The following RBMS3 variants were observed in gnomAD, a reference collection of about 807,000 sequenced individuals.
The protein encoded by RBMS3 is RNA binding motif single stranded interacting protein 3.
Under a neutral mutation model 66.8 loss-of-function variants are expected in RBMS3, and 27 were observed. The ratio of observed to expected loss-of-function variants is 0.40; its 90% CI spans 0.30 to 0.56. The LOEUF (loss-of-function observed/expected upper bound fraction) is 0.56. Among genes scored for constraint, RBMS3 ranks in the 20% least tolerant of loss-of-function variants. The pLI, the probability that RBMS3 is intolerant of heterozygous loss-of-function variation, is 0.40. For missense variants in RBMS3, 513 were observed against 549.5 expected (o/e 0.93, Z 0.66); for synonymous variants, 188 against 183.0 (o/e 1.03, Z -0.22).
chr3:29,574,713 T>C (rs946386015), intron 3 of RBMS3, among the ~76,000 whole-genome samples: 1 of 151,604 alleles, frequency 6.6e-6, no homozygotes, highest in Admixed American at 6.6e-5. Flanking sequence ...TGCTTTTTAT[T>C]TTTTGTGTAT....
intron 3 of RBMS3, among the ~76,000 whole-genome samples, chr3:29,493,806 T>C (rs2043639219): frequency 6.6e-6 from 1 of 152,200 alleles, no homozygotes; most frequent in African/African-American, 2.4e-5. Flanking sequence ...ATGTTTTGCT[T>C]TTTAAAATAA....
chr3:29,793,002 G>T (rs2057062578), intron 6 of RBMS3, among the ~76,000 whole-genome samples: 1 of 152,148 alleles, frequency 6.6e-6, no homozygotes, highest in African/African-American at 2.4e-5. Context: ...GCTTTGGGAG[G>T]CCAAGGGGGT....
intron 10 of RBMS3, among the ~76,000 whole-genome samples, chr3:29,911,331 C>T (rs781302901): frequency 1.5e-4 from 23 of 152,058 alleles, no homozygotes; most frequent in Admixed American, 1.4e-3. Flanking sequence ...CTACCAGGTG[C>T]CTCTAACACT....
At chr3:29,637,430 G>A (rs539853761) in intron 4 of RBMS3, among the ~76,000 whole-genome samples, 1 of 151,896 alleles carries the variant, frequency 6.6e-6, no homozygotes, top group South Asian at 2.1e-4. Context: ...TCCTCTTTAC[G>A]TCTTTCTTAA....
At chr3:29,621,440 T>A (rs1237616207) in intron 4 of RBMS3, among the ~76,000 whole-genome samples, 1 of 152,170 alleles carries the variant, frequency 6.6e-6, no homozygotes, top group Non-Finnish European at 1.5e-5. Flanking sequence ...AACAAGGGAC[T>A]CCTGACTATC....
intron 6 of RBMS3, among the ~76,000 whole-genome samples, chr3:29,775,294 G>T (rs2056388146): frequency 6.7e-6 from 1 of 148,410 alleles, no homozygotes; most frequent in Admixed American, 6.8e-5. Flanking sequence ...CAAGCATTCA[G>T]GCGCCTAATC....
intron 2 of RBMS3, among the ~76,000 whole-genome samples, chr3:29,470,118 CA>C (rs1306098707): frequency 1.3e-5 from 2 of 150,122 alleles, no homozygotes; most frequent in African/African-American, 4.9e-5. Context: ...CACAAATAAA[CA>C]AGGTAGTATT....
intron 5 of RBMS3, among the ~76,000 whole-genome samples, chr3:29,754,906 C>G (rs1270598127): frequency 2.0e-5 from 3 of 152,120 alleles, no homozygotes; most frequent in Admixed American, 2.0e-4. Context: ...AACAATTGCC[C>G]CCAGTCATGG....
intron 1 of RBMS3, among the ~76,000 whole-genome samples, chr3:29,325,234 A>G (rs1040439247): frequency 5.3e-5 from 8 of 152,164 alleles, no homozygotes; most frequent in African/African-American, 1.9e-4. Flanking sequence ...GTTTGTGAAA[A>G]AAGGCGGTGG....
intron 1 of RBMS3, among the ~76,000 whole-genome samples, chr3:29,351,769 A>T (rs2036928307): frequency 6.6e-6 from 1 of 152,090 alleles, no homozygotes; most frequent in Admixed American, 6.6e-5. Flanking sequence ...CTAGGTTTTG[A>T]TGTCTACTTA....
At chr3:29,669,079 C>T (rs1017507708) in intron 4 of RBMS3, among the ~76,000 whole-genome samples, 8 of 152,156 alleles carry the variant, frequency 5.3e-5, no homozygotes, top group African/African-American at 1.9e-4. Context: ...TGGAGGTGCC[C>T]CACGCCCTCT....
At chr3:29,758,132 T>A (rs1384802729) in intron 5 of RBMS3, among the ~76,000 whole-genome samples, 3 of 152,194 alleles carry the variant, frequency 2.0e-5, no homozygotes, top group African/African-American at 7.2e-5. Flanking sequence ...CAGGTTATAT[T>A]CCATTTTTGA....
chr3:29,908,379 G>A (rs17024589), intron 10 of RBMS3, among the ~76,000 whole-genome samples: 3,562 of 152,080 alleles, frequency 0.023, 156 homozygotes, highest in African/African-American at 0.082. Context: ...GAAATGCCAC[G>A]GTCTTAACAA....
chr3:29,908,251 A>C (rs78180363), intron 10 of RBMS3, among the ~76,000 whole-genome samples: 1 of 140,596 alleles, frequency 7.1e-6, no homozygotes, highest in East Asian at 2.0e-4. Context: ...ACCTTGTCTC[A>C]AAAAAAAAAA....
intron 4 of RBMS3, among the ~76,000 whole-genome samples, chr3:29,725,704 G>A (rs1009174770): frequency 2.0e-5 from 3 of 152,134 alleles, no homozygotes; most frequent in Non-Finnish European, 4.4e-5. Context: ...TTCTGAAATT[G>A]AGACAGTAAT....
At chr3:29,824,038 C>T (rs1322768147) in intron 6 of RBMS3, among the ~76,000 whole-genome samples, 2 of 151,910 alleles carry the variant, frequency 1.3e-5, no homozygotes. Flanking sequence ...TTTTTAGGTG[C>T]CTCCATAATC....
chr3:29,820,376 G>C (rs958402826), intron 6 of RBMS3, among the ~76,000 whole-genome samples: 2 of 151,778 alleles, frequency 1.3e-5, no homozygotes, highest in Admixed American at 6.6e-5. Context: ...TTTTCTATTA[G>C]AGGATTGATA....
At chr3:29,640,612 G>T (rs1277008493) in intron 4 of RBMS3, among the ~76,000 whole-genome samples, 3 of 151,932 alleles carry the variant, frequency 2.0e-5, no homozygotes, top group Non-Finnish European at 2.9e-5. Context: ...ATTTGATCGT[G>T]CATAGATTCC....
chr3:29,433,083 T>C (rs1331145743), intron 1 of RBMS3, among the ~76,000 whole-genome samples: 1 of 151,744 alleles, frequency 6.6e-6, no homozygotes, highest in Non-Finnish European at 1.5e-5. Context: ...TGAAAAGACA[T>C]ACTATTTTCA....
Sources: gnomAD v4.1 joint callset for allele counts (sites outside exome capture counted in the v4.1 genomes callset) on GRCh38, gnomAD v4.1.1 for gene constraint, MANE v1.5 for transcripts, NCBI Gene and HGNC (gene_info 2026-07-23, HGNC 2026-07-21) for gene names.